HNRNPF: variants seen among roughly 807,000 people sequenced by gnomAD.
HNRNPF encodes HnRNP F protein.
HNRNPF carries 2 observed loss-of-function variants against 26.0 expected under a neutral mutation model. That is an observed-to-expected ratio of 0.08 (90% CI 0.03 to 0.24). HNRNPF has a LOEUF of 0.24. HNRNPF is among the 10% of genes least tolerant of loss of function. The probability of loss-of-function intolerance (pLI) is 1.00; values close to 1 mark genes in which losing one functional copy is unlikely to be tolerated. For synonymous variants in HNRNPF, 234 were observed against 211.5 expected (o/e 1.11, Z -0.92); for missense variants, 299 against 539.2 (o/e 0.55, Z 4.41).
chr10:43,401,704 C>T (rs1001427238), intron 1 of HNRNPF, among the ~76,000 whole-genome samples: 3 of 152,176 alleles, frequency 2.0e-5, no homozygotes, highest in Non-Finnish European at 2.9e-5. Context: ...GTACCTCTCT[C>T]CCTTGAGCAA....
At chr10:43,399,604 A>G (rs1216260637) in intron 1 of HNRNPF, among the ~76,000 whole-genome samples, 1 of 152,236 alleles carries the variant, frequency 6.6e-6, no homozygotes, top group Non-Finnish European at 1.5e-5. Flanking sequence ...GCTTTTTAAC[A>G]CAACAGTCTA....
intron 1 of HNRNPF, chr10:43,397,441 T>G (rs1032026848): frequency 6.6e-6 from 1 of 152,220 alleles, no homozygotes. Flanking sequence ...TTCTCCGAGT[T>G]CTCCCGAAGG....
intron 1 of HNRNPF, among the ~76,000 whole-genome samples, chr10:43,400,206 G>A (rs537372208): frequency 6.6e-6 from 1 of 151,990 alleles, no homozygotes; most frequent in Non-Finnish European, 1.5e-5. Context: ...GATAAAAACT[G>A]AGGGAAAAAA....
At chr10:43,393,578 A>G (rs1838339413) in intron 3 of HNRNPF, among the ~76,000 whole-genome samples, 2 of 150,780 alleles carry the variant, frequency 1.3e-5, no homozygotes, top group African/African-American at 5.0e-5. Flanking sequence ...CCTAGGCAAC[A>G]GGAGCAAAAC....
In HNRNPF at chr10:43,387,173, T is replaced by C; in HGVS notation, c.712A>G (p.Thr238Ala). 4 of 1,614,182 alleles carry C rather than the reference T, an allele frequency of 2.5e-6. No individual in the cohort carries two copies. The highest frequency in any genetic ancestry group is 3.4e-6 in the Non-Finnish European group (4 of 1,180,036). ...LERMRPGAYS[T>A]GYGGYEEYSG... ...TACTCCTCGTAGCCCCCGTAGCCTG[T>C]GCTGTAGGCACCAGGCCTCATCCTT... Residue 238 changes from threonine to alanine, a missense_variant, in exon 4 of 4, where the codon ACA becomes GCA. This residue lies in a region of HNRNPF where 74 missense variants were observed against 77.7 expected (regional missense o/e 0.95). Coordinates refer to ENST00000682386, the MANE Select transcript of HNRNPF (RefSeq NM_001098204.2). The surrounding 1 kb of genome is among the most constrained non-coding windows in gnomAD (Gnocchi z 6.0).
At chr10:43,403,956 C>A (rs956553592) in intron 1 of HNRNPF, among the ~76,000 whole-genome samples, 2 of 151,364 alleles carry the variant, frequency 1.3e-5, no homozygotes, top group Non-Finnish European at 2.9e-5. Flanking sequence ...CACACCAGGG[C>A]ACTCCAGTGT....
chr10:43,404,685 C>T (rs900464933), intron 1 of HNRNPF, among the ~76,000 whole-genome samples: 1 of 151,944 alleles, frequency 6.6e-6, no homozygotes. Flanking sequence ...AGTTGATACT[C>T]CGTCTCTACT....
intron 1 of HNRNPF, among the ~76,000 whole-genome samples, chr10:43,403,711 A>C (rs1333000219): frequency 6.6e-6 from 1 of 152,208 alleles, no homozygotes; most frequent in African/African-American, 2.4e-5. Flanking sequence ...GTCAAGGAAG[A>C]ACTGAGGCCA....
chr10:43,398,425 T>TCC (rs1838642082), intron 1 of HNRNPF, among the ~76,000 whole-genome samples: 1 of 144,812 alleles, frequency 6.9e-6, no homozygotes, highest in African/African-American at 2.6e-5. Flanking sequence ...CACTGCAACC[T>TCC]CCCCTCCCAG....
At position 43,386,549 on chromosome 10, in the gene HNRNPF, C is replaced by G; in HGVS notation, c.*88G>C. The G allele has an allele frequency of 8.0e-7, 1 of 1,252,542 alleles. No homozygotes were observed. The highest frequency in any genetic ancestry group is 1.1e-6 in the Non-Finnish European group (1 of 932,908). The allele number at this position is 1,252,542 out of a possible 1,614,324, so 77.6% of individuals were successfully genotyped here. A position where few individuals can be genotyped will look rare whatever the true frequency, so the allele number is the denominator to read the frequency against. ...CACAAACTCATGGTGCAAAATGGGT[C>G]CCCCAGCTTCCTCTATTATAACTGC... is the stretch of plus-strand genomic sequence containing the variant. On this transcript the variant is annotated 3_prime_UTR_variant, in exon 4 of 4. Transcript: ENST00000682386.
intron 3 of HNRNPF, among the ~76,000 whole-genome samples, chr10:43,392,008 G>A (rs959021210): frequency 2.0e-5 from 3 of 152,158 alleles, no homozygotes; most frequent in Non-Finnish European, 4.4e-5. Context: ...ACTTTAGGAG[G>A]TCAAGGAGGG....
At chr10:43,389,547 G>A (rs1838163060) in intron 3 of HNRNPF, among the ~76,000 whole-genome samples, 2 of 152,184 alleles carry the variant, frequency 1.3e-5, no homozygotes, top group African/African-American at 4.8e-5. Flanking sequence ...ATCATACAGT[G>A]CTTCATCATT....
At chr10:43,388,966 ATTTTTTT>A (rs141503011) in intron 3 of HNRNPF, among the ~76,000 whole-genome samples, 1 of 127,100 alleles carries the variant, frequency 7.9e-6, no homozygotes, top group African/African-American at 3.1e-5. Flanking sequence ...AGTATATGGA[ATTTTTTT>A]TTTTTTTTTT....
rs1838016954 is a variant in HNRNPF, at chr10:43,386,223, T to C, written c.*414A>G. 1 of 155,690 alleles carries C rather than the reference T, an allele frequency of 6.4e-6. No homozygotes were observed. The highest frequency in any genetic ancestry group is 1.4e-5 in the Non-Finnish European group (1 of 70,294). The allele number at this position is 155,690 out of a possible 1,614,324, so 9.6% of individuals were successfully genotyped here. ...AGCTTAAACTTAACCTAAAGGATTT[T>C]AAATGAAAATATAAACTAGAATGAA... On this transcript the variant is annotated 3_prime_UTR_variant, in exon 4 of 4. Transcript: ENST00000682386.
At chr10:43,402,387 C>T (rs111926827) in intron 1 of HNRNPF, among the ~76,000 whole-genome samples, 1 of 152,030 alleles carries the variant, frequency 6.6e-6, no homozygotes, top group Admixed American at 6.6e-5. Flanking sequence ...ACTTCTAATC[C>T]TTTATCGCTT....
At chr10:43,389,035 G>GTC (rs368368669) in intron 3 of HNRNPF, among the ~76,000 whole-genome samples, 32 of 144,054 alleles carry the variant, frequency 2.2e-4, no homozygotes, top group African/African-American at 8.1e-4. Flanking sequence ...CAGTGGTGCT[G>GTC]TCTCGGCTCA....
intron 1 of HNRNPF, among the ~76,000 whole-genome samples, chr10:43,407,042 G>C (rs1165022444): frequency 6.6e-6 from 1 of 152,118 alleles, no homozygotes; most frequent in Non-Finnish European, 1.5e-5. Flanking sequence ...TAGGAATTCA[G>C]AGACAACCAC....
chr10:43,392,148 A>G (rs1396401017), intron 3 of HNRNPF, among the ~76,000 whole-genome samples: 1 of 152,230 alleles, frequency 6.6e-6, no homozygotes, highest in Non-Finnish European at 1.5e-5. Context: ...TCACGCCTGT[A>G]ATCCCAGCAC....
chr10:43,395,044 C>T (rs1379629594), intron 2 of HNRNPF, among the ~76,000 whole-genome samples: 5 of 152,134 alleles, frequency 3.3e-5, no homozygotes, highest in African/African-American at 9.7e-5. Context: ...TGGTCCCAAA[C>T]TCCTGACCTC....
Sources: allele counts gnomAD v4.1 joint callset (sites outside exome capture counted in the v4.1 genomes callset), GRCh38; gene constraint gnomAD v4.1.1; regional missense constraint gnomAD v4.1.1; non-coding constraint Gnocchi (gnomAD v3.1); transcripts MANE v1.5; gene names NCBI Gene and HGNC (gene_info 2026-07-23, HGNC 2026-07-21).